Variants in DMD observed in about 807,000 individuals in gnomAD.
DMD encodes dystrophin.
A neutral mutation model predicts 330.1 loss-of-function variants in DMD; 63 were observed. That is an observed-to-expected ratio of 0.19 (90% CI 0.16 to 0.24). The LOEUF (loss-of-function observed/expected upper bound fraction) is 0.24, where lower values mean the gene tolerates loss of function less well. DMD is among the 10% of genes least tolerant of loss of function. DMD has a pLI of 1.00. For synonymous variants in DMD, 1,223 were observed against 959.8 expected, an observed-to-expected ratio of 1.27 and a Z score of -5.07; for missense variants, 3,344 against 2,684.1, an observed-to-expected ratio of 1.25 and a Z score of -5.43.
chrX:32,762,860 G>A (rs2072497234), intron 7 of DMD, among the ~76,000 whole-genome samples: 1 of 111,771 alleles, frequency 8.9e-6, no homozygotes. Flanking sequence ...GTAGTAAAAA[G>A]ATAACTTTGT....
chrX:31,693,473 G>A (rs2083251564), intron 52 of DMD, among the ~76,000 whole-genome samples: 1 of 111,565 alleles, frequency 9.0e-6, no homozygotes, highest in Admixed American at 9.6e-5. Flanking sequence ...TGAAAAGGAT[G>A]AAGTAAAATT....
intron 44 of DMD, among the ~76,000 whole-genome samples, chrX:32,045,084 T>C: frequency 9.4e-6 from 1 of 106,250 alleles, no homozygotes; most frequent in Non-Finnish European, 1.9e-5. Context: ...GAGATCTGGT[T>C]TTTTTTTAAA....
chrX:32,330,744 C>CTA (rs917947678), intron 41 of DMD, among the ~76,000 whole-genome samples: 5 of 110,873 alleles, frequency 4.5e-5, no homozygotes, highest in African/African-American at 1.3e-4. Context: ...TTGTCTGGCA[C>CTA]TTAGGAGGCA....
chrX:31,171,717 C>T (rs1001672409), intron 73 of DMD, among the ~76,000 whole-genome samples: 18 of 111,558 alleles, frequency 1.6e-4, no homozygotes, highest in African/African-American at 5.5e-4. Context: ...GCTGTGTTCC[C>T]TGCTGCTCTT....
chrX:32,313,636 G>A (rs183818661), intron 41 of DMD, among the ~76,000 whole-genome samples: 2 of 111,622 alleles, frequency 1.8e-5, no homozygotes, highest in Non-Finnish European at 3.8e-5. Context: ...TGACATGATT[G>A]TATATTTAGA....
intron 2 of DMD, among the ~76,000 whole-genome samples, chrX:33,001,144 G>C (rs1249383859): frequency 9.0e-6 from 1 of 111,495 alleles, no homozygotes; most frequent in African/African-American, 3.3e-5. Context: ...AAGATTTTTT[G>C]TGCTCCAACT....
At chrX:31,605,872 T>C (rs1008002111) in intron 55 of DMD, among the ~76,000 whole-genome samples, 1 of 112,056 alleles carries the variant, frequency 8.9e-6, no homozygotes, top group Non-Finnish European at 1.9e-5. Flanking sequence ...GTCGTGGTTT[T>C]ATGAAAAAGA....
At chrX:32,293,492 A>G (rs776393759) in intron 42 of DMD, among the ~76,000 whole-genome samples, 3 of 111,229 alleles carry the variant, frequency 2.7e-5, no homozygotes, top group African/African-American at 9.8e-5. Context: ...CAGCTCGGGC[A>G]ATTTAGGAGG....
intron 62 of DMD, among the ~76,000 whole-genome samples, chrX:31,264,534 T>G (rs968457386): frequency 8.9e-6 from 1 of 112,237 alleles, no homozygotes; most frequent in African/African-American, 3.2e-5. Context: ...AAAAATGTTA[T>G]TGATTTTGGC....
At chrX:31,882,463 T>A in intron 47 of DMD, among the ~76,000 whole-genome samples, 1 of 110,888 alleles carries the variant, frequency 9.0e-6, no homozygotes, top group East Asian at 2.8e-4. Flanking sequence ...TAGAAAAAAA[T>A]CTCAACAATT....
At chrX:32,351,731 A>G (rs1018936210) in intron 37 of DMD, among the ~76,000 whole-genome samples, 7 of 110,865 alleles carry the variant, frequency 6.3e-5, no homozygotes, top group Admixed American at 5.8e-4. Flanking sequence ...ATGGAATTTT[A>G]AATAACACAA....
At chrX:31,155,062 A>T (rs943204151) in intron 74 of DMD, among the ~76,000 whole-genome samples, 4 of 112,302 alleles carry the variant, frequency 3.6e-5, no homozygotes, top group African/African-American at 1.3e-4. Flanking sequence ...AAACTTCCCA[A>T]CCAACTAATG....
intron 55 of DMD, among the ~76,000 whole-genome samples, chrX:31,549,921 C>T (rs190751896): frequency 8.0e-5 from 9 of 111,992 alleles, no homozygotes; most frequent in Non-Finnish European, 1.5e-4. Context: ...CTAAAAGTTA[C>T]GGTATTTTGT....
chrX:32,554,015 GCTCTGATCT>G lies in DMD; in HGVS notation c.1993-8690_1993-8682del, dbSNP rs756527634. Among the ~76,000 whole-genome samples the G allele has an allele frequency of 2.7e-5, 3 of 112,581 alleles. No individual in the cohort carries two copies. In the East Asian group the frequency reaches 8.4e-4, roughly 32 times the overall value. Reference sequence around the variant, plus strand: ...TTCCACCCAGGATTCAATGGATAGAGCTCTGATCTCTCCCTGGGACAGAGCTTCTGGGAG... The same window carrying G: ...TTCCACCCAGGATTCAATGGATAGAGCTCCCTGGGACAGAGCTTCTGGGAG... On this transcript the variant is annotated intron_variant, in intron 16 of 78. Coordinates refer to ENST00000357033, the MANE Select transcript of DMD (RefSeq NM_004006.3).
At chrX:33,170,763 C>G (rs2049300074) in intron 1 of DMD, among the ~76,000 whole-genome samples, 1 of 111,696 alleles carries the variant, frequency 9.0e-6, no homozygotes, top group Non-Finnish European at 1.9e-5. Context: ...GGCTACCATA[C>G]TGAACTTCAC....
In DMD at chrX:31,879,559, C is replaced by T. The variant is rs112545515; in HGVS notation, c.6913-4186G>A. ...AATGTTGTTGAGAAATTACACTTTG[C>T]ATATTTTAATAATGAATCATTATTA... On this transcript the variant is annotated intron_variant, in intron 47 of 78. Coordinates refer to ENST00000357033, the MANE Select transcript of DMD (RefSeq NM_004006.3). Among the ~76,000 whole-genome samples, 8,783 of 111,842 alleles carry T rather than the reference C, an allele frequency of 0.079. 384 individuals carry two copies. The highest frequency in any genetic ancestry group is 0.22 in the Admixed American group (2,292 of 10,488).
At chrX:32,891,266 A>C (rs1173744377) in intron 2 of DMD, among the ~76,000 whole-genome samples, 1 of 111,768 alleles carries the variant, frequency 8.9e-6, no homozygotes, top group African/African-American at 3.3e-5. Context: ...TCTACACATA[A>C]TGAAAAACAG....
chrX:31,564,032 G>T (rs1246841776), intron 55 of DMD, among the ~76,000 whole-genome samples: 1 of 110,858 alleles, frequency 9.0e-6, no homozygotes, highest in Non-Finnish European at 1.9e-5. Flanking sequence ...ACGTACACAG[G>T]GGGCATGCCA....
chrX:32,682,711 T>A (rs73209875), intron 9 of DMD, among the ~76,000 whole-genome samples: 98 of 112,029 alleles, frequency 8.7e-4, no homozygotes, highest in Non-Finnish European at 1.6e-3. Flanking sequence ...TTAACACCAT[T>A]CATATTTATT....
Sources: allele counts gnomAD v4.1 joint callset (sites outside exome capture counted in the v4.1 genomes callset), GRCh38; gene constraint gnomAD v4.1.1; transcripts MANE v1.5; gene names NCBI Gene and HGNC (gene_info 2026-07-23, HGNC 2026-07-21).